TBC1D16: variants seen among roughly 807,000 people sequenced by gnomAD.
TBC1D16 encodes CTD-2529O21.1.
In TBC1D16, 58 loss-of-function variants were observed where a neutral mutation model predicts 74.7. That is an observed-to-expected ratio of 0.78 (90% CI 0.63 to 0.97). The LOEUF (loss-of-function observed/expected upper bound fraction) is 0.97, where lower values mean the gene tolerates loss of function less well. TBC1D16 is among the 50% of genes least tolerant of loss of function. TBC1D16 has a pLI of 0.00. For missense variants in TBC1D16, 1,014 were observed against 1,079.5 expected, an observed-to-expected ratio of 0.94 and a Z score of 0.85; for synonymous variants, 493 against 474.7, an observed-to-expected ratio of 1.04 and a Z score of -0.50.
rs1011386565 is a variant in TBC1D16 at position 80,008,854 on chromosome 17, C to T, written c.779+1306G>A. Among the ~76,000 whole-genome samples the T allele has an allele frequency of 7.2e-5, 11 of 152,214 alleles. No individual in the cohort carries two copies. Among genetic ancestry groups the T allele is most frequent in the African/African-American group, 1.9e-4 (8 of 41,454 alleles). ...AGGGAAGAACCCGTCCCACAGTCAC[C>T]CCTGCTGAGGCCAGCAAAGCCTGTG... On this transcript the variant is annotated intron_variant, in intron 3 of 11. Coordinates refer to ENST00000310924, the MANE Select transcript of TBC1D16 (RefSeq NM_019020.4). This position sits in a 1 kb window ranked among gnomAD's most constrained non-coding sequence, Gnocchi z 4.5.
chr17:79,953,705 T>C (rs1250245836), intron 3 of TBC1D16, among the ~76,000 whole-genome samples: 2 of 152,242 alleles, frequency 1.3e-5, no homozygotes, highest in Non-Finnish European at 2.9e-5. Context: ...AATATCTTAT[T>C]ATATGGATTC....
At chr17:79,966,686 T>G (rs2033858312) in intron 3 of TBC1D16, among the ~76,000 whole-genome samples, 1 of 152,230 alleles carries the variant, frequency 6.6e-6, no homozygotes, top group African/African-American at 2.4e-5. Flanking sequence ...TATCAGTCTT[T>G]TTTTTCATGT....
chr17:79,968,842 C>CAAAAAAAAAAAAA, intron 3 of TBC1D16, among the ~76,000 whole-genome samples: 1 of 55,392 alleles, frequency 1.8e-5, no homozygotes, highest in Non-Finnish European at 3.0e-5. Context: ...GATGCCGTCT[C>CAAAAAAAAAAAAA]AAAAAAAAAA....
chr17:79,962,516 T>A (rs2033662506), intron 3 of TBC1D16, among the ~76,000 whole-genome samples: 1 of 151,502 alleles, frequency 6.6e-6, no homozygotes, highest in Non-Finnish European at 1.5e-5. Context: ...CCCGGCCCCA[T>A]CTCAACCATT....
intron 3 of TBC1D16, among the ~76,000 whole-genome samples, chr17:80,006,699 C>G (rs2035692340): frequency 6.6e-6 from 1 of 151,882 alleles, no homozygotes; most frequent in Admixed American, 6.5e-5. Flanking sequence ...CTCTCTGTCA[C>G]CCAGGCTGGA....
At position 80,009,033 on chromosome 17, in the gene TBC1D16, G is replaced by A. The variant is rs1175489321; in HGVS notation, c.779+1127C>T. ...GCAAGCTGCTGACCTTCTCCGAGCC[G>A]CCCTTTCCCCTTCGATAGCAGGGGA... is the stretch of plus-strand genomic sequence containing the variant. On this transcript the variant is annotated intron_variant, in intron 3 of 11. Coordinates refer to ENST00000310924, the MANE Select transcript of TBC1D16 (RefSeq NM_019020.4). The surrounding 1 kb of genome is among the most constrained non-coding windows in gnomAD (Gnocchi z 5.4). Among the ~76,000 whole-genome samples, 8 of 152,188 alleles carry A rather than the reference G, an allele frequency of 5.3e-5. No homozygotes were observed. Among genetic ancestry groups the A allele is most frequent in the Non-Finnish European group, 8.8e-5 (6 of 68,026 alleles).
chr17:79,947,296 C>T (rs1305739145), intron 9 of TBC1D16, among the ~76,000 whole-genome samples: 1 of 152,160 alleles, frequency 6.6e-6, no homozygotes, highest in African/African-American at 2.4e-5. Context: ...AGCTTAGACA[C>T]ACCTGAGGAC....
Position 80,010,688 on chromosome 17 carries a change from T to G in TBC1D16, c.251A>C (p.Asn84Thr). Residue 84 changes from asparagine to threonine, a missense_variant, in exon 3 of 12, where the codon AAC becomes ACC. Physicochemically the swap from Asn to Thr is moderately conservative, Grantham distance 65. Coordinates refer to ENST00000310924, the MANE Select transcript of TBC1D16 (RefSeq NM_019020.4). The surrounding 1 kb of genome is among the most constrained non-coding windows in gnomAD (Gnocchi z 8.8). ...CTCGTCCTGCCTCTGGATGCGAGAGTTGGGGACCCATGCCAGGATGAGGGT... is the reference window on the plus strand; with the variant it reads ...CTCGTCCTGCCTCTGGATGCGAGAGGTGGGGACCCATGCCAGGATGAGGGT... ...GATLILAWVP[N>T]SRIQRQDEEA... 1 of 1,520,748 alleles carries G rather than the reference T, an allele frequency of 6.6e-7. No individual in the cohort carries two copies. Among genetic ancestry groups the G allele is most frequent in the Non-Finnish European group, 8.8e-7 (1 of 1,136,998 alleles). 94.2% of individuals were successfully genotyped at this position (1,520,748 alleles called of 1,614,324 possible). A position where few individuals can be genotyped will look rare whatever the true frequency, so the allele number is the denominator to read the frequency against.
chr17:79,976,705 G>A (rs887089430), intron 3 of TBC1D16, among the ~76,000 whole-genome samples: 15 of 152,188 alleles, frequency 9.9e-5, no homozygotes, highest in Non-Finnish European at 5.9e-5. Context: ...TCTTCTCCAC[G>A]TCATTATCCT....
intron 1 of TBC1D16, among the ~76,000 whole-genome samples, chr17:80,027,984 T>C (rs1244631311): frequency 2.0e-5 from 3 of 152,174 alleles, no homozygotes; most frequent in East Asian, 1.9e-4. Context: ...CACTTCACAT[T>C]TGTATTTTGA....
At chr17:79,995,761 G>C (rs554812693) in intron 3 of TBC1D16, among the ~76,000 whole-genome samples, 309 of 152,130 alleles carry the variant, frequency 2.0e-3, no homozygotes, top group African/African-American at 7.1e-3. Flanking sequence ...CTCCAACCTG[G>C]GCGACAGAGC....
rs147093032 is a variant in TBC1D16, at chr17:79,985,885, A to C, written c.779+24275T>G. ...GGCTGTGGAGGTCAAAGGGGACCAAATCAGGGGCCCTCTGCTACTACCAAA... is the reference window on the plus strand; with the variant it reads ...GGCTGTGGAGGTCAAAGGGGACCAACTCAGGGGCCCTCTGCTACTACCAAA... On this transcript the variant is annotated intron_variant, in intron 3 of 11. Transcript: ENST00000310924. This position sits in a 1 kb window ranked among gnomAD's most constrained non-coding sequence, Gnocchi z 4.9. 1.4e-3 allele frequency among the ~76,000 whole-genome samples: 215 copies of C among 152,324 alleles called. No individual in the cohort carries two copies. The highest frequency in any genetic ancestry group is 4.7e-3 in the African/African-American group (194 of 41,578).
intron 3 of TBC1D16, among the ~76,000 whole-genome samples, chr17:79,972,027 C>G (rs2034129700): frequency 6.6e-6 from 1 of 152,190 alleles, no homozygotes; most frequent in Non-Finnish European, 1.5e-5. Context: ...GGGACTCGAA[C>G]AGGTATGTGT....
intron 1 of TBC1D16, among the ~76,000 whole-genome samples, chr17:80,028,269 G>A (rs1221662591): frequency 6.6e-6 from 1 of 152,106 alleles, no homozygotes; most frequent in Non-Finnish European, 1.5e-5. Flanking sequence ...AGTGGCTCAC[G>A]CCTGTAATCC....
chr17:79,960,358 C>T (rs914248858), intron 3 of TBC1D16, among the ~76,000 whole-genome samples: 3 of 152,016 alleles, frequency 2.0e-5, no homozygotes, highest in South Asian at 2.1e-4. Flanking sequence ...AAAAGGTGCT[C>T]GACAGCATTC....
rs1164823497 is a variant in TBC1D16 at position 80,020,530 on chromosome 17, A to T, written c.-62-6921T>A. ...TACTCAGGAGGTGGAGGTTGCAGTG[A>T]GCTGAGATGGCGCCACTGCACTCCA... On this transcript the variant is annotated intron_variant, in intron 1 of 11. Transcript: ENST00000310924. Among the ~76,000 whole-genome samples, 4 of 149,712 alleles carry T rather than the reference A, an allele frequency of 2.7e-5. 2 individuals carry two copies. The highest frequency in any genetic ancestry group is 1.0e-4 in the African/African-American group (4 of 39,126).
intron 10 of TBC1D16, among the ~76,000 whole-genome samples, chr17:79,943,134 C>T (rs1370544971): frequency 6.6e-6 from 1 of 152,220 alleles, no homozygotes; most frequent in Non-Finnish European, 1.5e-5. Context: ...ACCATGAGGG[C>T]AGAGGCTACA....
At chr17:79,969,092 A>G (rs1245219736) in intron 3 of TBC1D16, among the ~76,000 whole-genome samples, 1 of 152,158 alleles carries the variant, frequency 6.6e-6, no homozygotes, top group Non-Finnish European at 1.5e-5. Context: ...TTCCCTGGAG[A>G]AATGCAAATC....
Position 79,942,138 on chromosome 17 carries a change from C to G in TBC1D16, c.1977G>C (p.Gln659His). Reference protein sequence around the residue: ...VAIYGDDVIEQQLATDQMLLH... With the variant: ...VAIYGDDVIEHQLATDQMLLH... ...GGAGCATCTGGTCCGTGGCCAGCTG[C>G]TGCTCGATGACGTCATCCCCGTAGA... Residue 659 changes from glutamine (Q) to histidine (H), a missense_variant, in exon 11 of 12, where the codon CAG (glutamine) becomes CAC (histidine). By Grantham distance (24) the Gln-to-His change is conservative (BLOSUM62 0). Transcript: ENST00000310924. 6.2e-7 allele frequency: 1 copy of G among 1,611,126 alleles called. No homozygotes were observed. Among genetic ancestry groups the G allele is most frequent in the Non-Finnish European group, 8.5e-7 (1 of 1,179,204 alleles).
Sources: gnomAD v4.1 joint callset for allele counts (sites outside exome capture counted in the v4.1 genomes callset) on GRCh38, gnomAD v4.1.1 for gene constraint, Gnocchi (gnomAD v3.1) non-coding constraint, MANE v1.5 for transcripts, NCBI Gene and HGNC (gene_info 2026-07-23, HGNC 2026-07-21) for gene names.